The following PIK3C3 variants were observed in gnomAD, a reference collection of about 807,000 sequenced individuals.
PIK3C3 encodes the protein PI3-kinase type 3.
Under a neutral mutation model 126.1 loss-of-function variants are expected in PIK3C3, and 95 were observed. The observed-to-expected ratio is 0.75, with a 90% CI of 0.64 to 0.89. The LOEUF (loss-of-function observed/expected upper bound fraction) is 0.89, where lower values mean the gene tolerates loss of function less well. Among genes scored for constraint, PIK3C3 ranks in the 40% least tolerant of loss-of-function variants. The probability of loss-of-function intolerance (pLI) is 0.00; values close to 1 mark genes in which losing one functional copy is unlikely to be tolerated. For missense variants in PIK3C3, 829 were observed against 1,063.2 expected, an observed-to-expected ratio of 0.78 and a Z score of 3.06; for synonymous variants, 374 against 360.0, an observed-to-expected ratio of 1.04 and a Z score of -0.44.
At chr18:42,078,729 G>A (rs907641751) in intron 24 of PIK3C3, among the ~76,000 whole-genome samples, 25 of 152,176 alleles carry the variant, frequency 1.6e-4, no homozygotes, top group Non-Finnish European at 2.5e-4. Flanking sequence ...TAGCTAAATG[G>A]TAGATAACTT....
chr18:42,039,677 G>T (rs1448171349), intron 18 of PIK3C3, among the ~76,000 whole-genome samples: 1 of 152,092 alleles, frequency 6.6e-6, no homozygotes, highest in African/African-American at 2.4e-5. Context: ...TATTATCCTT[G>T]AAAACATGGC....
At chr18:42,016,863 A>G (rs1030728987) in intron 12 of PIK3C3, among the ~76,000 whole-genome samples, 1 of 152,060 alleles carries the variant, frequency 6.6e-6, no homozygotes, top group Non-Finnish European at 1.5e-5. Context: ...GCTTGAACAA[A>G]GGGTGATTTA....
chr18:42,014,928 C>T (rs1362639041), intron 11 of PIK3C3, among the ~76,000 whole-genome samples: 1 of 152,024 alleles, frequency 6.6e-6, no homozygotes, highest in African/African-American at 2.4e-5. Context: ...TATTGGAGGT[C>T]TTCAGTCTCA....
intron 20 of PIK3C3, 29 bp downstream of exon 20, chr18:42,043,846 T>TAATCA: frequency 6.7e-7 from 1 of 1,482,294 alleles, no homozygotes; most frequent in Non-Finnish European, 9.4e-7. Context: ...TACTTTCCAT[T>TAATCA]GATCAGATAA....
At chr18:41,988,034 G>T (rs1981583895) in intron 5 of PIK3C3, 136 bp downstream of exon 5, 3 of 549,054 alleles carry the variant, frequency 5.5e-6, no homozygotes, top group Non-Finnish European at 9.6e-6. Context: ...GGAATTCTAT[G>T]CTAATAACTG....
chr18:42,085,695 A>C lies in PIK3C3; in HGVS notation c.*4558A>C, dbSNP rs1476614460. 6.6e-6 allele frequency: 1 copy of C among 152,222 alleles called. No individual in the cohort carries two copies. The highest frequency in any genetic ancestry group is 2.1e-4 in the South Asian group (1 of 4,832). 9.4% of individuals were successfully genotyped at this position (152,222 alleles called of 1,614,324 possible). On this transcript the variant is annotated 3_prime_UTR_variant, in exon 25 of 25. Coordinates refer to ENST00000262039, the MANE Select transcript of PIK3C3 (RefSeq NM_002647.4). ...TGATTTATCTAAAATAGAAGTTAAC[A>C]TAGCATCCCAGTATTGCCATTCTAA...
At chr18:42,054,156 A>ATATATATC (rs1984942792) in intron 21 of PIK3C3, among the ~76,000 whole-genome samples, 1 of 35,790 alleles carries the variant, frequency 2.8e-5, no homozygotes, top group African/African-American at 1.5e-4. Context: ...ATATATATAT[A>ATATATATC]TATATATATA....
intron 9 of PIK3C3, among the ~76,000 whole-genome samples, chr18:42,003,124 A>T (rs1201993177): frequency 1.3e-5 from 2 of 152,284 alleles, no homozygotes; most frequent in African/African-American, 2.4e-5. Flanking sequence ...GACAATCTCC[A>T]TAGTGCCGTT....
intron 10 of PIK3C3, among the ~76,000 whole-genome samples, chr18:42,012,279 T>C (rs987238714): frequency 1.3e-5 from 2 of 152,122 alleles, no homozygotes; most frequent in African/African-American, 4.8e-5. Context: ...GCAGGTGGTC[T>C]CTGTCCTCCT....
At chr18:42,076,176 A>G (rs1484092237) in intron 24 of PIK3C3, among the ~76,000 whole-genome samples, 5 of 120,058 alleles carry the variant, frequency 4.2e-5, no homozygotes, top group Non-Finnish European at 8.2e-5. Context: ...ATATATATAT[A>G]TGCACATATA....
chr18:42,009,806 T>C (rs1982734929), intron 10 of PIK3C3, among the ~76,000 whole-genome samples: 1 of 152,082 alleles, frequency 6.6e-6, no homozygotes, highest in African/African-American at 2.4e-5. Flanking sequence ...GCAATGTACA[T>C]ATCTTTTTTT....
Position 42,083,842 on chromosome 18 carries a change from T to TTGACGATTA in PIK3C3, c.*2706_*2714dup, listed in dbSNP as rs1234105732. 8.5e-5 allele frequency: 13 copies of TTGACGATTA among 152,356 alleles called. No individual in the cohort carries two copies. The East Asian group carries it at 2.3e-3, about 27-fold the overall frequency. 9.4% of individuals were successfully genotyped at this position (152,356 alleles called of 1,614,324 possible). On this transcript the variant is annotated 3_prime_UTR_variant, in exon 25 of 25. Coordinates refer to ENST00000262039, the MANE Select transcript of PIK3C3 (RefSeq NM_002647.4). The stretch of plus-strand genomic sequence containing the variant: ...GAGTTAGACCCCAGTGATCACAGTC[T>TTGACGATTA]TGACGATTAAATTCTTCCAGCTTTC...
chr18:42,036,851 T>C (rs1984076463), intron 16 of PIK3C3, among the ~76,000 whole-genome samples: 1 of 152,102 alleles, frequency 6.6e-6, no homozygotes, highest in East Asian at 1.9e-4. Context: ...TCTAAAATGC[T>C]CCAAAATCTG....
intron 13 of PIK3C3, chr18:42,027,210 G>A (rs1598908867): frequency 8.7e-6 from 2 of 229,922 alleles, no homozygotes; most frequent in East Asian, 8.9e-5. Flanking sequence ...AGAAAATTTG[G>A]GATATTACAC....
rs187722073 is a variant in PIK3C3 at position 42,066,193 on chromosome 18, T to A, written c.2524-1195T>A. Among the ~76,000 whole-genome samples, 391 of 152,322 alleles carry A rather than the reference T, an allele frequency of 2.6e-3. 2 individuals carry two copies. The highest frequency in any genetic ancestry group is 9.1e-3 in the African/African-American group (378 of 41,570). On this transcript the variant is annotated intron_variant, in intron 23 of 24. Coordinates refer to ENST00000262039, the MANE Select transcript of PIK3C3 (RefSeq NM_002647.4). ...AGATGTTCCTCCACCAAATTGTTCT[T>A]GTCTTCACTTCTTACATTTACCTCT...
intron 24 of PIK3C3, among the ~76,000 whole-genome samples, chr18:42,068,645 T>A (rs1300564681): frequency 1.3e-5 from 2 of 152,172 alleles, no homozygotes; most frequent in African/African-American, 4.8e-5. Flanking sequence ...TTTTGCTTTT[T>A]ATTATAGATA....
chr18:42,072,050 T>G (rs1985795791), intron 24 of PIK3C3, among the ~76,000 whole-genome samples: 1 of 152,180 alleles, frequency 6.6e-6, no homozygotes, highest in African/African-American at 2.4e-5. Flanking sequence ...GTTTATTTTC[T>G]CTTTGAAACT....
chr18:42,027,344 A>C (rs1163461061), intron 13 of PIK3C3, 99 bp from the exon 14 acceptor site: 1 of 525,010 alleles, frequency 1.9e-6, no homozygotes, highest in Non-Finnish European at 3.3e-6. Flanking sequence ...TTATTTTTGC[A>C]TATGTAAATT....
At chr18:42,017,222 T>TA (rs1354073191) in intron 12 of PIK3C3, among the ~76,000 whole-genome samples, 1 of 152,148 alleles carries the variant, frequency 6.6e-6, no homozygotes, top group Non-Finnish European at 1.5e-5. Flanking sequence ...CCTCTCTTCT[T>TA]ATCACAACTT....
Sources: gnomAD v4.1 joint callset for allele counts (sites outside exome capture counted in the v4.1 genomes callset) on GRCh38, gnomAD v4.1.1 for gene constraint, MANE v1.5 for transcripts, NCBI Gene and HGNC (gene_info 2026-07-23, HGNC 2026-07-21) for gene names.